The following SCUBE1 variants were observed in gnomAD, a reference collection of about 807,000 sequenced individuals.
SCUBE1 encodes signal peptide, CUB domain and EGF like domain containing 1.
Under a neutral mutation model 124.4 loss-of-function variants are expected in SCUBE1, and 59 were observed. That is an observed-to-expected ratio of 0.47 (90% CI 0.38 to 0.59). SCUBE1 has a LOEUF of 0.59. Among genes scored for constraint, SCUBE1 ranks in the 20% least tolerant of loss-of-function variants. SCUBE1 has a pLI of 0.00. For missense variants in SCUBE1, 1,150 were observed against 1,371.2 expected, an observed-to-expected ratio of 0.84 and a Z score of 2.55; for synonymous variants, 545 against 550.9, an observed-to-expected ratio of 0.99 and a Z score of 0.15.
chr22:43,269,232 C>G (rs1037060181), intron 4 of SCUBE1, among the ~76,000 whole-genome samples: 5 of 152,166 alleles, frequency 3.3e-5, no homozygotes, highest in African/African-American at 1.2e-4. Flanking sequence ...CTCCTCTGGA[C>G]TCTGACAGGC....
intron 16 of SCUBE1, chr22:43,213,462 C>T (rs1601798799): frequency 6.6e-6 from 1 of 152,218 alleles, no homozygotes; most frequent in Non-Finnish European, 1.5e-5. Context: ...GAACCTTCCC[C>T]GCGGATTCTC....
chr22:43,233,181 G>T (rs1029246098), intron 7 of SCUBE1, among the ~76,000 whole-genome samples: 16 of 152,138 alleles, frequency 1.1e-4, no homozygotes, highest in South Asian at 6.2e-4. Context: ...CCTGGCCAAC[G>T]CGGAGAAACC....
At chr22:43,245,111 C>G (rs1923155359) in intron 6 of SCUBE1, among the ~76,000 whole-genome samples, 2 of 152,270 alleles carry the variant, frequency 1.3e-5, no homozygotes, top group Non-Finnish European at 1.5e-5. Flanking sequence ...CACAGTGGCC[C>G]TGGTCTCCCT....
At chr22:43,312,203 C>A (rs1186007839) in intron 3 of SCUBE1, among the ~76,000 whole-genome samples, 1 of 152,198 alleles carries the variant, frequency 6.6e-6, no homozygotes, top group African/African-American at 2.4e-5. Flanking sequence ...TCTGACACTG[C>A]ACTAGGTTCC....
rs757868359 is a variant in SCUBE1, at chr22:43,229,164, C to T, written c.992G>A (p.Arg331Gln). 17 of 1,613,822 alleles carry T rather than the reference C, an allele frequency of 1.1e-5. No individual in the cohort carries two copies. Among genetic ancestry groups the T allele is most frequent in the Admixed American group, 5.0e-5 (3 of 60,026 alleles). The change falls in exon 9 of 22, where the codon CGG becomes CAG. Residue 331 changes from arginine to glutamine, a missense_variant. Arg to Gln is a conservative substitution (Grantham distance 43, BLOSUM62 1). Coordinates refer to ENST00000360835, the MANE Select transcript of SCUBE1 (RefSeq NM_173050.5). ...GTTGATGCAGATGTGGTCACAGGTC[C>T]GCTCGAAGGAGCACTCGTCGATGTC... ...CQDIDECSFE[R>Q]TCDHICINSP...
Position 43,216,457 on chromosome 22 carries a change from A to T in SCUBE1, c.1891+1798T>A, listed in dbSNP as rs532088876. ...ATCATGAGGTCAGGAGTTTGAGACC[A>T]GCCTGGCCAACATAGTGAAACCCTG... On this transcript the variant is annotated intron_variant, in intron 15 of 21. Coordinates refer to ENST00000360835, the MANE Select transcript of SCUBE1 (RefSeq NM_173050.5). 6.1e-3 allele frequency among the ~76,000 whole-genome samples: 909 copies of T among 148,458 alleles called. 7 individuals are homozygous for T. Among genetic ancestry groups the T allele is most frequent in the Non-Finnish European group, 8.5e-3 (573 of 67,276 alleles).
chr22:43,321,524 A>G (rs1926554205), intron 2 of SCUBE1, among the ~76,000 whole-genome samples: 1 of 152,204 alleles, frequency 6.6e-6, no homozygotes, highest in Admixed American at 6.5e-5. Context: ...CAAAGGGGAT[A>G]ACAAACAGCA....
chr22:43,229,267 ACT>A, intron 8 of SCUBE1, 79 bp from the exon 9 acceptor site: 1 of 980,728 alleles, frequency 1.0e-6, no homozygotes. Flanking sequence ...ACTCTCAGTC[ACT>A]CAAGGCACAT....
intron 16 of SCUBE1, 43 bp downstream of exon 16, chr22:43,214,047 G>GGGGC: frequency 7.0e-6 from 1 of 143,438 alleles, no homozygotes; most frequent in Non-Finnish European, 1.3e-5. Context: ...AGGAGCCCCC[G>GGGGC]CCCACCCCCC....
chr22:43,312,797 A>G (rs73886591), intron 3 of SCUBE1, among the ~76,000 whole-genome samples: 3,494 of 152,112 alleles, frequency 0.023, 153 homozygotes, highest in African/African-American at 0.08. Flanking sequence ...GGATTTCTGG[A>G]TGCTCTCAGT....
Position 43,234,975 on chromosome 22 carries a change from G to A in SCUBE1, c.845-3100C>T, listed in dbSNP as rs1210071999. Among the ~76,000 whole-genome samples, 1 of 152,166 alleles carries A rather than the reference G, an allele frequency of 6.6e-6. No individual in the cohort carries two copies. Among genetic ancestry groups the A allele is most frequent in the East Asian group, 1.9e-4 (1 of 5,184 alleles). Reference sequence around the variant, plus strand: ...GCTGACCCCAGCCCTGGGAAAAACGGCCCTTCCAGAAAGCCTTTCCCAGTG... The same window carrying A: ...GCTGACCCCAGCCCTGGGAAAAACGACCCTTCCAGAAAGCCTTTCCCAGTG... On this transcript the variant is annotated intron_variant, in intron 7 of 21. Coordinates refer to ENST00000360835, the MANE Select transcript of SCUBE1 (RefSeq NM_173050.5). The surrounding 1 kb of genome is among the most constrained non-coding windows in gnomAD (Gnocchi z 4.4).
intron 13 of SCUBE1, 39 bp from the exon 14 acceptor site, chr22:43,220,626 G>C (rs1376888736): frequency 1.2e-6 from 2 of 1,605,928 alleles, no homozygotes; most frequent in South Asian, 1.1e-5. Flanking sequence ...AGGCGGCATG[G>C]GGCAGGGAGC....
In SCUBE1 at chr22:43,280,517, G is replaced by GCTGTCCCTTCCCCTCACCCATCCTT. The variant is rs1569009528; in HGVS notation, c.484+10528_484+10529insAAGGATGGGTGAGGGGAAGGGACAG. ...CCCGTCCCTTCCCCTCACCCATCCT[G>GCTGTCCCTTCCCCTCACCCATCCTT]CTGTCCCTTCCCCTCACCCATCCTC... On this transcript the variant is annotated intron_variant, in intron 4 of 21. Coordinates refer to ENST00000360835, the MANE Select transcript of SCUBE1 (RefSeq NM_173050.5). 3.9e-4 allele frequency among the ~76,000 whole-genome samples: 13 copies of GCTGTCCCTTCCCCTCACCCATCCTT among 33,134 alleles called. 1 individual carries two copies. Among genetic ancestry groups the GCTGTCCCTTCCCCTCACCCATCCTT allele is most frequent in the African/African-American group, 2.2e-3 (12 of 5,518 alleles). The allele number at this position is 33,134 out of a possible 152,430, so 21.7% of individuals were successfully genotyped here.
chr22:43,313,272 TG>T, intron 3 of SCUBE1, among the ~76,000 whole-genome samples: 1 of 152,260 alleles, frequency 6.6e-6, no homozygotes. Flanking sequence ...CTTCTGAACC[TG>T]GATACAGATG....
intron 4 of SCUBE1, among the ~76,000 whole-genome samples, chr22:43,266,205 C>T (rs566029944): frequency 2.0e-5 from 3 of 152,278 alleles, no homozygotes; most frequent in African/African-American, 7.2e-5. Context: ...GTCAGGCCCG[C>T]GCGAGCCAGG....
Position 43,234,246 on chromosome 22 carries a change from G to T in SCUBE1, c.845-2371C>A, listed in dbSNP as rs1922670498. Among the ~76,000 whole-genome samples the T allele has an allele frequency of 6.6e-6, 1 of 152,192 alleles. No individual in the cohort carries two copies. The highest frequency in any genetic ancestry group is 2.4e-5 in the African/African-American group (1 of 41,440). On this transcript the variant is annotated intron_variant, in intron 7 of 21. Coordinates refer to ENST00000360835, the MANE Select transcript of SCUBE1 (RefSeq NM_173050.5). This position sits in a 1 kb window ranked among gnomAD's most constrained non-coding sequence, Gnocchi z 4.4. ...CATCTTGACTCTGCCTCAGTTGGCT[G>T]TGTGATGCTGGGCAGGGAAAGGCAC...
Position 43,210,859 on chromosome 22 carries a change from C to A in SCUBE1, c.2383+63G>T. The A allele has an allele frequency of 6.3e-7, 1 of 1,589,134 alleles. No homozygotes were observed. On this transcript the variant is annotated intron_variant, in intron 18 of 21. Transcript: ENST00000360835. The surrounding 1 kb of genome is among the most constrained non-coding windows in gnomAD (Gnocchi z 4.5). ...CGTGTGAGATCAGGTCTCCTCCCGC[C>A]CCCACAACCTGCCCAGCCCCTCCCG...
intron 14 of SCUBE1, among the ~76,000 whole-genome samples, chr22:43,219,329 G>C (rs1921979454): frequency 6.6e-6 from 1 of 152,076 alleles, no homozygotes; most frequent in Admixed American, 6.5e-5. Flanking sequence ...ACCTTCCTCC[G>C]TGAGCAGAAG....
intron 4 of SCUBE1, among the ~76,000 whole-genome samples, chr22:43,265,002 G>A (rs1218995768): frequency 6.6e-6 from 1 of 152,242 alleles, no homozygotes; most frequent in African/African-American, 2.4e-5. Context: ...TTCCTGAGCT[G>A]GGAAGAGCCC....
Sources: gnomAD v4.1 joint callset for allele counts (sites outside exome capture counted in the v4.1 genomes callset) on GRCh38, gnomAD v4.1.1 for gene constraint, Gnocchi (gnomAD v3.1) non-coding constraint, MANE v1.5 for transcripts, NCBI Gene and HGNC (gene_info 2026-07-23, HGNC 2026-07-21) for gene names.